Variants in PCDH15 observed in about 807,000 individuals in gnomAD.
PCDH15 encodes the protein protocadherin related 15.
PCDH15 carries 129 observed loss-of-function variants against 178.5 expected under a neutral mutation model. The ratio of observed to expected loss-of-function variants is 0.72; its 90% CI spans 0.63 to 0.84. The LOEUF is 0.84. Ranked by LOEUF, PCDH15 falls within the 40% of genes least tolerant of loss-of-function variation. The pLI, the probability that PCDH15 is intolerant of heterozygous loss-of-function variation, is 0.00. For synonymous variants in PCDH15, 800 were observed against 732.0 expected (o/e 1.09, Z -1.50); for missense variants, 2,230 against 2,099.9 (o/e 1.06, Z -1.21).
At chr10:55,073,501 T>C (rs997876479) in intron 2 of PCDH15, among the ~76,000 whole-genome samples, 13 of 152,112 alleles carry the variant, frequency 8.5e-5, no homozygotes, top group African/African-American at 2.9e-4. Flanking sequence ...CCATTCACAA[T>C]TGCTTCAAAG....
At chr10:54,948,014 T>C (rs889669184) in intron 2 of PCDH15, among the ~76,000 whole-genome samples, 2 of 151,986 alleles carry the variant, frequency 1.3e-5, no homozygotes, top group African/African-American at 2.4e-5. Flanking sequence ...TTTGTATACA[T>C]TGATATTTGT....
intron 21 of PCDH15, among the ~76,000 whole-genome samples, chr10:53,990,994 G>A (rs923717956): frequency 6.6e-6 from 1 of 152,064 alleles, no homozygotes; most frequent in Non-Finnish European, 1.5e-5. Context: ...CCCCAGCACT[G>A]CCCGCCCGCC....
chr10:55,115,609 A>G (rs565895816), intron 2 of PCDH15, among the ~76,000 whole-genome samples: 18 of 152,264 alleles, frequency 1.2e-4, no homozygotes, highest in African/African-American at 4.3e-4. Flanking sequence ...ACTAGTTAAA[A>G]TGGGCTGGAA....
At chr10:54,528,005 A>C in intron 2 of PCDH15, 128 bp from the exon 3 acceptor site, 1 of 707,086 alleles carries the variant, frequency 1.4e-6, no homozygotes, top group East Asian at 2.7e-5. Flanking sequence ...ATGCATCACT[A>C]CAATTAATAT....
intron 3 of PCDH15, among the ~76,000 whole-genome samples, chr10:54,815,423 G>A (rs536615948): frequency 7.2e-5 from 11 of 152,024 alleles, no homozygotes; most frequent in Non-Finnish European, 1.3e-4. Context: ...AACATTTACT[G>A]CATTATATAC....
intron 8 of PCDH15, among the ~76,000 whole-genome samples, chr10:54,275,328 G>A (rs376195237): frequency 2.8e-4 from 42 of 151,880 alleles, no homozygotes; most frequent in African/African-American, 9.6e-4. Flanking sequence ...GATTCTTGAG[G>A]TAGAGGCCAT....
intron 1 of PCDH15, among the ~76,000 whole-genome samples, chr10:55,168,619 G>C (rs750216453): frequency 2.0e-5 from 3 of 151,954 alleles, no homozygotes; most frequent in Non-Finnish European, 2.9e-5. Context: ...TAATACAGTG[G>C]GTGGCTTATG....
At chr10:53,953,430 T>C (rs1328291890) in intron 23 of PCDH15, among the ~76,000 whole-genome samples, 1 of 152,166 alleles carries the variant, frequency 6.6e-6, no homozygotes, top group Non-Finnish European at 1.5e-5. Flanking sequence ...GTATAGTAAT[T>C]CTTATCTACT....
intron 2 of PCDH15, among the ~76,000 whole-genome samples, chr10:55,569,252 C>G (rs1027147520): frequency 1.3e-5 from 2 of 151,868 alleles, no homozygotes; most frequent in Non-Finnish European, 2.9e-5. Context: ...ATTAAAATTA[C>G]CTATGCAATA....
chr10:55,413,573 AT>A (rs1048808693), intron 2 of PCDH15, among the ~76,000 whole-genome samples: 7 of 151,582 alleles, frequency 4.6e-5, no homozygotes, highest in South Asian at 2.1e-4. Flanking sequence ...CTATCTATGT[AT>A]TTTTTTCAAC....
At chr10:54,600,830 A>G (rs2092486340) in intron 2 of PCDH15, 2 of 367,058 alleles carry the variant, frequency 5.4e-6, no homozygotes, top group Admixed American at 3.8e-5. Context: ...ATGCAAGCTC[A>G]GTGTGCTCCC....
chr10:55,060,848 T>C (rs570527183), intron 2 of PCDH15, among the ~76,000 whole-genome samples: 1 of 152,158 alleles, frequency 6.6e-6, no homozygotes, highest in Admixed American at 6.6e-5. Context: ...ACTTAGGGCA[T>C]ATAGTTATGG....
chr10:54,344,085 T>C (rs1406030408), intron 6 of PCDH15, among the ~76,000 whole-genome samples: 1 of 152,134 alleles, frequency 6.6e-6, no homozygotes, highest in Non-Finnish European at 1.5e-5. Context: ...AAGAAACTGG[T>C]ACTGAGGTTT....
intron 26 of PCDH15, among the ~76,000 whole-genome samples, chr10:53,869,537 T>C (rs1056774168): frequency 1.3e-5 from 2 of 152,208 alleles, no homozygotes; most frequent in African/African-American, 4.8e-5. Flanking sequence ...TTATTATTAA[T>C]GTAAACTTTA....
At chr10:54,526,898 A>G (rs2083413412) in intron 3 of PCDH15, among the ~76,000 whole-genome samples, 1 of 152,130 alleles carries the variant, frequency 6.6e-6, no homozygotes, top group Non-Finnish European at 1.5e-5. Context: ...TCCAAAGTAC[A>G]TGTACGCGTG....
At chr10:53,825,580 GA>G (rs1180576919) in intron 32 of PCDH15, among the ~76,000 whole-genome samples, 1 of 151,520 alleles carries the variant, frequency 6.6e-6, no homozygotes, top group African/African-American at 2.4e-5. Flanking sequence ...CTACTATGAT[GA>G]CAATTAATTA....
intron 16 of PCDH15, among the ~76,000 whole-genome samples, chr10:54,087,015 T>C (rs2094526645): frequency 6.6e-6 from 1 of 152,198 alleles, no homozygotes; most frequent in Admixed American, 6.5e-5. Context: ...AGTAGCTCAC[T>C]GGATTTCACA....
At chr10:54,207,656 G>A (rs1398210469) in intron 10 of PCDH15, among the ~76,000 whole-genome samples, 1 of 151,922 alleles carries the variant, frequency 6.6e-6, no homozygotes, top group African/African-American at 2.4e-5. Flanking sequence ...CTGGTGGGAG[G>A]TGGTGTACAA....
At chr10:53,961,998 A>G (rs997617416) in intron 21 of PCDH15, 106 bp from the exon 22 acceptor site, 8 of 968,244 alleles carry the variant, frequency 8.3e-6, no homozygotes, top group Admixed American at 2.1e-5. Flanking sequence ...AGAAGTGAAA[A>G]TCATATTTCC....
Sources: allele counts gnomAD v4.1 joint callset (sites outside exome capture counted in the v4.1 genomes callset), GRCh38; gene constraint gnomAD v4.1.1; transcripts MANE v1.5; gene names NCBI Gene and HGNC (gene_info 2026-07-23, HGNC 2026-07-21).